Variants in SVOPL observed in about 807,000 individuals in gnomAD.
SVOPL encodes the protein putative transporter SVOPL.
Under a neutral mutation model 61.0 loss-of-function variants are expected in SVOPL, and 60 were observed. The ratio of observed to expected loss-of-function variants is 0.98; its 90% CI spans 0.80 to 1.22. The LOEUF (loss-of-function observed/expected upper bound fraction) is 1.22. SVOPL is among the 50% of genes most tolerant of loss of function. SVOPL has a pLI of 0.00. For missense variants in SVOPL, 662 were observed against 643.9 expected, an observed-to-expected ratio of 1.03 and a Z score of -0.30; for synonymous variants, 279 against 250.0, an observed-to-expected ratio of 1.12 and a Z score of -1.09.
intron 4 of SVOPL, among the ~76,000 whole-genome samples, chr7:138,666,991 T>C (rs1802281100): frequency 6.6e-6 from 1 of 152,170 alleles, no homozygotes; most frequent in Non-Finnish European, 1.5e-5. Context: ...AATAAAACTG[T>C]CCTTTCTATT....
chr7:138,635,327 TAA>T (rs1800418869), intron 9 of SVOPL, among the ~76,000 whole-genome samples: 1 of 148,874 alleles, frequency 6.7e-6, no homozygotes, highest in African/African-American at 2.5e-5. Flanking sequence ...TTTGCCACAA[TAA>T]AAAGACTCAA....
At chr7:138,644,052 A>G (rs1800967909) in intron 9 of SVOPL, among the ~76,000 whole-genome samples, 1 of 151,902 alleles carries the variant, frequency 6.6e-6, no homozygotes, top group South Asian at 2.1e-4. Flanking sequence ...AAACACAAAA[A>G]TAGCTGGGCA....
chr7:138,635,270 C>CAAAA (rs112228411), intron 9 of SVOPL, among the ~76,000 whole-genome samples: 29 of 138,330 alleles, frequency 2.1e-4, no homozygotes, highest in African/African-American at 7.0e-4. Flanking sequence ...AAAACTGTCT[C>CAAAA]AAAAAAAAAA....
intron 6 of SVOPL, among the ~76,000 whole-genome samples, chr7:138,657,903 G>A (rs73460934): frequency 3.9e-5 from 6 of 152,070 alleles, no homozygotes; most frequent in African/African-American, 1.4e-4. Flanking sequence ...GCAACTGAGG[G>A]TTCCTCCCTA....
intron 10 of SVOPL, among the ~76,000 whole-genome samples, chr7:138,628,862 T>C (rs941434360): frequency 5.3e-5 from 8 of 152,106 alleles, no homozygotes; most frequent in Non-Finnish European, 1.2e-4. Context: ...CCTGTTCAAG[T>C]CTCTTGCCTA....
chr7:138,662,670 T>C, intron 5 of SVOPL: 1 of 1,015,142 alleles, frequency 9.9e-7, no homozygotes, highest in Non-Finnish European at 1.2e-6. Flanking sequence ...CCCCCACTGA[T>C]ATCAGACCTC....
intron 14 of SVOPL, among the ~76,000 whole-genome samples, chr7:138,620,667 C>T (rs535464336): frequency 5.3e-4 from 81 of 152,208 alleles, no homozygotes; most frequent in African/African-American, 1.8e-3. Flanking sequence ...CCCTTACTCT[C>T]GGGCTCTGTT....
chr7:138,660,698 G>A (rs1801963449), intron 5 of SVOPL: 19 of 985,310 alleles, frequency 1.9e-5, no homozygotes, highest in Non-Finnish European at 2.3e-5. Flanking sequence ...CTAGATTTCT[G>A]GAAGACAAAT....
At chr7:138,618,883 A>C (rs1799424713) in intron 14 of SVOPL, among the ~76,000 whole-genome samples, 1 of 152,224 alleles carries the variant, frequency 6.6e-6, no homozygotes, top group African/African-American at 2.4e-5. Flanking sequence ...AGGAGTTAAG[A>C]ATCCAGGTGG....
rs1278774485 is a variant in SVOPL at position 138,655,186 on chromosome 7, T to C, written c.534+1262A>G. ...GCCTGGGTGACAGAGCAAGACCCTGTCTCAAAAAAAAGAAAAGAAAAGAAA... is the reference window on the plus strand; with the variant it reads ...GCCTGGGTGACAGAGCAAGACCCTGCCTCAAAAAAAAGAAAAGAAAAGAAA... On this transcript the variant is annotated intron_variant, in intron 7 of 15. Transcript: ENST00000674285. Among the ~76,000 whole-genome samples the C allele has an allele frequency of 2.7e-5, 4 of 149,398 alleles. 1 individual carries two copies. The highest frequency in any genetic ancestry group is 1.5e-5 in the Non-Finnish European group (1 of 67,528).
intron 14 of SVOPL, among the ~76,000 whole-genome samples, chr7:138,605,621 C>T (rs1167213702): frequency 2.1e-5 from 3 of 144,384 alleles, no homozygotes; most frequent in African/African-American, 7.8e-5. Flanking sequence ...GAGATCATAC[C>T]ACTGCACTCT....
At chr7:138,676,899 C>CTTTT (rs1191279496) in intron 3 of SVOPL, among the ~76,000 whole-genome samples, 22 of 112,808 alleles carry the variant, frequency 2.0e-4, no homozygotes, top group South Asian at 6.2e-4. Context: ...CTTGGGGTTC[C>CTTTT]TTTTTTTTTT....
chr7:138,626,088 G>A, intron 12 of SVOPL, 38 bp from the exon 13 acceptor site: 1 of 1,604,802 alleles, frequency 6.2e-7, no homozygotes, highest in Non-Finnish European at 8.5e-7. Flanking sequence ...ATAAAAGGCA[G>A]CATGGAGGAC....
chr7:138,700,677 A>AAAG (rs1803173161), intron 1 of SVOPL, among the ~76,000 whole-genome samples: 1 of 68,468 alleles, frequency 1.5e-5, no homozygotes, highest in East Asian at 3.8e-4. Flanking sequence ...TAACCCAGTA[A>AAAG]GAGGATGGAT....
intron 14 of SVOPL, among the ~76,000 whole-genome samples, chr7:138,601,075 C>A (rs914484034): frequency 6.6e-6 from 1 of 151,788 alleles, no homozygotes. Flanking sequence ...CATGGTGAAA[C>A]CCTGTCTCTA....
Position 138,635,187 on chromosome 7 carries a change from G to A in SVOPL, c.790-5065C>T, listed in dbSNP as rs112696752. On this transcript the variant is annotated intron_variant, in intron 9 of 15. Transcript: ENST00000674285. ...CTTGGGAGGCTGAGGCAGGAAAATC[G>A]CTTGAACCCATGAAGCAGTGGTTGC... Among the ~76,000 whole-genome samples, 1,357 of 151,558 alleles carry A rather than the reference G, an allele frequency of 9.0e-3. 13 individuals are homozygous for A. The highest frequency in any genetic ancestry group is 0.012 in the Non-Finnish European group (794 of 67,962).
At chr7:138,603,459 G>C (rs1190233631) in intron 14 of SVOPL, among the ~76,000 whole-genome samples, 1 of 152,186 alleles carries the variant, frequency 6.6e-6, no homozygotes, top group Non-Finnish European at 1.5e-5. Context: ...TGAGGCAGGT[G>C]GATCAATTCA....
intron 1 of SVOPL, among the ~76,000 whole-genome samples, chr7:138,694,597 T>A (rs1260511951): frequency 6.6e-6 from 1 of 152,022 alleles, no homozygotes. Context: ...AACTAAATGC[T>A]CACCAGTAGA....
intron 9 of SVOPL, among the ~76,000 whole-genome samples, chr7:138,632,570 A>G (rs1053610190): frequency 6.6e-6 from 1 of 152,078 alleles, no homozygotes; most frequent in Non-Finnish European, 1.5e-5. Flanking sequence ...GGGAAGGTGA[A>G]GAATGGGGGA....
Sources: allele counts gnomAD v4.1 joint callset (sites outside exome capture counted in the v4.1 genomes callset), GRCh38; gene constraint gnomAD v4.1.1; transcripts MANE v1.5; gene names NCBI Gene and HGNC (gene_info 2026-07-23, HGNC 2026-07-21).